Variants in CDH13 observed in about 807,000 individuals in gnomAD.
CDH13 encodes the protein cadherin 13.
Under a neutral mutation model 63.8 loss-of-function variants are expected in CDH13, and 24 were observed. The ratio of observed to expected loss-of-function variants is 0.38; its 90% CI spans 0.27 to 0.53. The LOEUF (loss-of-function observed/expected upper bound fraction) is 0.53, where lower values mean the gene tolerates loss of function less well. Ranked by LOEUF, CDH13 falls within the 20% of genes least tolerant of loss-of-function variation. The pLI is 0.85. For synonymous variants in CDH13, 503 were observed against 355.3 expected (o/e 1.42, Z -4.67); for missense variants, 1,049 against 903.1 (o/e 1.16, Z -2.07).
chr16:82,898,930 T>C (rs2041363344), intron 2 of CDH13, among the ~76,000 whole-genome samples: 1 of 152,256 alleles, frequency 6.6e-6, no homozygotes, highest in African/African-American at 2.4e-5. Context: ...AGTATGTAGA[T>C]ATGGGCTTCC....
chr16:83,528,109 C>G (rs2075003663), intron 7 of CDH13, among the ~76,000 whole-genome samples: 1 of 152,202 alleles, frequency 6.6e-6, no homozygotes, highest in Admixed American at 6.5e-5. Context: ...TCTGTATATC[C>G]CAAACTCACA....
At chr16:83,273,756 T>C (rs76629263) in intron 5 of CDH13, among the ~76,000 whole-genome samples, 11,109 of 152,272 alleles carry the variant, frequency 0.073, 471 homozygotes, top group East Asian at 0.13. Flanking sequence ...GGCATTTCAA[T>C]ACTACATAGG....
intron 2 of CDH13, among the ~76,000 whole-genome samples, chr16:82,860,395 GGGGGC>G (rs1567608759): frequency 7.5e-5 from 10 of 132,642 alleles, no homozygotes; most frequent in African/African-American, 2.8e-4. Context: ...GTGTGGGGGG[GGGGGC>G]GGCGGTGTGC....
At chr16:83,715,650 C>T (rs1426723225) in intron 10 of CDH13, among the ~76,000 whole-genome samples, 3 of 151,734 alleles carry the variant, frequency 2.0e-5, no homozygotes, top group South Asian at 2.1e-4. Flanking sequence ...GGCTGTGTGT[C>T]GCTGACAGGC....
intron 2 of CDH13, among the ~76,000 whole-genome samples, chr16:82,871,877 ATTC>A (rs1339625896): frequency 1.3e-5 from 2 of 152,160 alleles, no homozygotes; most frequent in Non-Finnish European, 2.9e-5. Flanking sequence ...CCAGTCTTTT[ATTC>A]TTCTAGCTAA....
chr16:82,812,859 T>G (rs1287476457), intron 1 of CDH13, among the ~76,000 whole-genome samples: 2 of 146,012 alleles, frequency 1.4e-5, no homozygotes, highest in East Asian at 3.9e-4. Flanking sequence ...TCCTCCCTTC[T>G]TTCCTGTAGG....
intron 1 of CDH13, among the ~76,000 whole-genome samples, chr16:82,756,650 T>C (rs755393483): frequency 6.6e-6 from 1 of 152,166 alleles, no homozygotes; most frequent in African/African-American, 2.4e-5. Context: ...GTGAGAATTA[T>C]AGTATTAGCT....
At chr16:83,283,622 G>A (rs2089237835) in intron 5 of CDH13, among the ~76,000 whole-genome samples, 1 of 152,108 alleles carries the variant, frequency 6.6e-6, no homozygotes, top group Non-Finnish European at 1.5e-5. Context: ...AGATTGTAAT[G>A]TGCAGCCAGG....
intron 2 of CDH13, among the ~76,000 whole-genome samples, chr16:82,881,152 C>G (rs919610397): frequency 1.3e-5 from 2 of 152,072 alleles, no homozygotes; most frequent in African/African-American, 4.8e-5. Flanking sequence ...AAAGGGTGAT[C>G]AATGGCTGGG....
chr16:83,216,429 T>TATATATATATATATATATATATATATAA (rs1282063080), intron 4 of CDH13, among the ~76,000 whole-genome samples: 4 of 105,706 alleles, frequency 3.8e-5, no homozygotes, highest in Non-Finnish European at 6.1e-5. Context: ...TATATATATA[T>TATATATATATATATATATATATATATAA]ATATATATAT....
intron 7 of CDH13, among the ~76,000 whole-genome samples, chr16:83,503,860 A>G (rs973055783): frequency 4.0e-5 from 6 of 150,728 alleles, no homozygotes; most frequent in Admixed American, 1.3e-4. Context: ...CATTCTGATG[A>G]TAGTTTCTTT....
At chr16:82,810,940 A>T (rs578064318) in intron 1 of CDH13, among the ~76,000 whole-genome samples, 10 of 152,264 alleles carry the variant, frequency 6.6e-5, no homozygotes, top group African/African-American at 1.9e-4. Context: ...GAGAACAGCA[A>T]TGGTTCTTAG....
chr16:83,410,931 C>T (rs552671094), intron 6 of CDH13, among the ~76,000 whole-genome samples: 52 of 152,270 alleles, frequency 3.4e-4, no homozygotes, highest in African/African-American at 1.2e-3. Context: ...ATCCAATCAA[C>T]CTTTTTAACT....
chr16:83,356,212 ATGTGTGTG>A (rs10525181), intron 6 of CDH13, among the ~76,000 whole-genome samples: 13,288 of 138,136 alleles, frequency 0.096, 734 homozygotes, highest in Non-Finnish European at 0.13. Context: ...ATTTATTTTC[ATGTGTGTG>A]TGTGTGTGTG....
At chr16:83,791,811 CAAAAAAAAAA>C in intron 13 of CDH13, among the ~76,000 whole-genome samples, 1 of 94,872 alleles carries the variant, frequency 1.1e-5, no homozygotes, top group East Asian at 3.1e-4. Flanking sequence ...ACTTTGTCTC[CAAAAAAAAAA>C]AAAAAAAAAA....
chr16:82,972,389 G>A (rs911162058), intron 2 of CDH13, among the ~76,000 whole-genome samples: 19 of 152,154 alleles, frequency 1.2e-4, no homozygotes, highest in African/African-American at 4.6e-4. Flanking sequence ...TTTCTGCAGA[G>A]GCTCTTGTAT....
chr16:83,236,845 G>T (rs1385455565), intron 5 of CDH13, among the ~76,000 whole-genome samples: 1 of 152,096 alleles, frequency 6.6e-6, no homozygotes, highest in Non-Finnish European at 1.5e-5. Flanking sequence ...TATAGGTCTG[G>T]GTTTCCCTTT....
At chr16:83,437,214 C>A (rs1240896214) in intron 6 of CDH13, among the ~76,000 whole-genome samples, 1 of 152,002 alleles carries the variant, frequency 6.6e-6, no homozygotes, top group African/African-American at 2.4e-5. Context: ...GCTGTGTGAC[C>A]TTGGGTGAGT....
intron 3 of CDH13, among the ~76,000 whole-genome samples, chr16:83,093,533 T>C (rs1442160518): frequency 6.6e-6 from 1 of 152,026 alleles, no homozygotes; most frequent in African/African-American, 2.4e-5. Context: ...TTGGCCAGCC[T>C]GGTCTCGAAC....
Sources: allele counts gnomAD v4.1 joint callset (sites outside exome capture counted in the v4.1 genomes callset), GRCh38; gene constraint gnomAD v4.1.1; transcripts MANE v1.5; gene names NCBI Gene and HGNC (gene_info 2026-07-23, HGNC 2026-07-21).